PAK3: variants seen among roughly 807,000 people sequenced by gnomAD.
PAK3 encodes serine/threonine-protein kinase PAK 3.
In PAK3, 4 loss-of-function variants were observed where a neutral mutation model predicts 41.0. That is an observed-to-expected ratio of 0.10 (90% CI 0.05 to 0.22). The LOEUF (loss-of-function observed/expected upper bound fraction) is 0.22, where lower values mean the gene tolerates loss of function less well. Among genes scored for constraint, PAK3 ranks in the 10% least tolerant of loss-of-function variants. The probability of loss-of-function intolerance (pLI) is 1.00; values close to 1 mark genes in which losing one functional copy is unlikely to be tolerated. For synonymous variants in PAK3, 146 were observed against 139.6 expected, an observed-to-expected ratio of 1.05 and a Z score of -0.32; for missense variants, 205 against 409.9, an observed-to-expected ratio of 0.50 and a Z score of 4.32.
chrX:111,212,963 A>G (rs1251251670), intron 16 of PAK3, among the ~76,000 whole-genome samples: 1 of 112,434 alleles, frequency 8.9e-6, no homozygotes, highest in African/African-American at 3.2e-5. Context: ...CAGTTCACCA[A>G]TAGTAATTAT....
intron 10 of PAK3, among the ~76,000 whole-genome samples, chrX:111,172,794 A>G (rs917204597): frequency 2.7e-5 from 3 of 111,236 alleles, no homozygotes; most frequent in African/African-American, 9.8e-5. Context: ...TTACTACTTT[A>G]ATTACTATAA....
At chrX:111,163,533 T>C (rs199692159) in intron 9 of PAK3, 29 bp from the exon 10 acceptor site, 15 of 1,142,576 alleles carry the variant, frequency 1.3e-5, no homozygotes, top group Non-Finnish European at 1.7e-5. Flanking sequence ...GCCTGCTGTT[T>C]TAATTGCAGA....
intron 1 of PAK3, among the ~76,000 whole-genome samples, chrX:111,003,271 A>G (rs766419120): frequency 9.0e-6 from 1 of 111,632 alleles, no homozygotes; most frequent in East Asian, 2.8e-4. Context: ...GGGTGTAGCC[A>G]GTTTTTGTTG....
chrX:111,050,595 C>T, intron 1 of PAK3, among the ~76,000 whole-genome samples: 1 of 112,161 alleles, frequency 8.9e-6, no homozygotes, highest in Non-Finnish European at 1.9e-5. Context: ...GATGAAGGAG[C>T]TCATCTGAGT....
intron 1 of PAK3, among the ~76,000 whole-genome samples, chrX:110,964,146 T>A (rs1405990880): frequency 3.6e-5 from 4 of 112,097 alleles, no homozygotes; most frequent in Non-Finnish European, 7.5e-5. Flanking sequence ...TTTTTGCCCT[T>A]TTACAAATGA....
At chrX:110,958,435 G>A (rs2090910922) in intron 1 of PAK3, among the ~76,000 whole-genome samples, 1 of 111,733 alleles carries the variant, frequency 8.9e-6, no homozygotes, top group Admixed American at 9.5e-5. Flanking sequence ...GGCCATGACA[G>A]TAGTCCAGGA....
intron 1 of PAK3, among the ~76,000 whole-genome samples, chrX:110,984,470 C>T (rs1569501629): frequency 8.9e-6 from 1 of 111,893 alleles, no homozygotes; most frequent in African/African-American, 3.3e-5. Context: ...GCTGAAGTCC[C>T]ATCCCTCCCA....
intron 1 of PAK3, among the ~76,000 whole-genome samples, chrX:111,086,090 TGC>T (rs1555990688): frequency 1.0e-5 from 1 of 95,702 alleles, no homozygotes; most frequent in African/African-American, 4.2e-5. Context: ...TGTGTGTGTG[TGC>T]ATGTGCACAT....
At chrX:111,215,690 G>T (rs2094872183) in intron 16 of PAK3, among the ~76,000 whole-genome samples, 1 of 112,309 alleles carries the variant, frequency 8.9e-6, no homozygotes, top group Non-Finnish European at 1.9e-5. Flanking sequence ...AGCTCTCAGA[G>T]AAATATACAA....
At chrX:111,084,507 T>C (rs2092862916) in intron 1 of PAK3, among the ~76,000 whole-genome samples, 1 of 112,821 alleles carries the variant, frequency 8.9e-6, no homozygotes, top group Non-Finnish European at 1.9e-5. Context: ...TTATCTTCTG[T>C]GTCTTCTGTC....
chrX:110,966,817 T>A (rs974640080), intron 1 of PAK3, among the ~76,000 whole-genome samples: 3 of 111,616 alleles, frequency 2.7e-5, no homozygotes, highest in Non-Finnish European at 3.8e-5. Flanking sequence ...TTTTCTGTAA[T>A]TTTTCCAGAA....
chrX:111,163,024 C>G lies in PAK3; in HGVS notation c.578C>G (p.Pro193Arg). Residue 193 changes from proline (P) to arginine (R), a missense_variant, in exon 9 of 18, where the codon CCA (proline) becomes CGA (arginine). Physicochemically the swap from Pro to Arg is moderately radical, Grantham distance 103 (BLOSUM62 -2). Coordinates refer to ENST00000372007, the MANE Select transcript of PAK3 (RefSeq NM_002578.5). The part of the protein sequence containing the change: ...DENEPPPVIA[P>R]RPEHTKSIYT... ...AATGAGCCACCACCAGTTATCGCAC[C>G]AAGACCAGAGCATACAAAATCAGTA... 8.3e-7 allele frequency: 1 copy of G among 1,208,104 alleles called. No homozygotes were observed. Among genetic ancestry groups the G allele is most frequent in the Non-Finnish European group, 1.1e-6 (1 of 892,572 alleles).
chrX:111,187,853 C>G (rs1233290351), intron 11 of PAK3, among the ~76,000 whole-genome samples: 1 of 109,262 alleles, frequency 9.2e-6, no homozygotes, highest in Non-Finnish European at 1.9e-5. Flanking sequence ...GTTCCAACCA[C>G]CTAACAACAT....
At chrX:111,198,626 A>G (rs2094642624) in intron 16 of PAK3, among the ~76,000 whole-genome samples, 1 of 111,675 alleles carries the variant, frequency 9.0e-6, no homozygotes, top group Non-Finnish European at 1.9e-5. Context: ...GTCAAAAATC[A>G]GGTGGTTGTG....
intron 8 of PAK3, chrX:111,152,906 A>G (rs914656983): frequency 8.5e-6 from 1 of 117,450 alleles, no homozygotes; most frequent in Non-Finnish European, 1.8e-5. Context: ...GTTCCTTTTT[A>G]TCTCTGAGTA....
chrX:110,983,719 G>C (rs995858430), intron 1 of PAK3, among the ~76,000 whole-genome samples: 4 of 111,756 alleles, frequency 3.6e-5, no homozygotes, highest in African/African-American at 1.3e-4. Context: ...CCTCAGTGAG[G>C]AGAAGCTTAA....
intron 1 of PAK3, among the ~76,000 whole-genome samples, chrX:111,077,057 G>A (rs1349515937): frequency 1.8e-5 from 2 of 111,064 alleles, no homozygotes; most frequent in African/African-American, 6.5e-5. Context: ...TTTTATAATA[G>A]CATTAAATAA....
intron 8 of PAK3, among the ~76,000 whole-genome samples, chrX:111,155,823 A>C (rs2094099945): frequency 8.9e-6 from 1 of 111,901 alleles, no homozygotes. Context: ...GTTGGTGAGT[A>C]GAGCAAGGAA....
At chrX:111,045,848 C>T (rs1471840858) in intron 1 of PAK3, among the ~76,000 whole-genome samples, 1 of 111,695 alleles carries the variant, frequency 9.0e-6, no homozygotes, top group Non-Finnish European at 1.9e-5. Context: ...GTCAATAACC[C>T]TCAGCTGCAT....
Sources: allele counts gnomAD v4.1 joint callset (sites outside exome capture counted in the v4.1 genomes callset), GRCh38; gene constraint gnomAD v4.1.1; transcripts MANE v1.5; gene names NCBI Gene and HGNC (gene_info 2026-07-23, HGNC 2026-07-21).